The following LIPA variants were observed in gnomAD, a reference collection of about 807,000 sequenced individuals.
LIPA encodes lysosomal acid lipase/cholesteryl ester hydrolase.
Under a neutral mutation model 40.6 loss-of-function variants are expected in LIPA, and 26 were observed. The observed-to-expected ratio is 0.64, with a 90% CI of 0.47 to 0.89. The LOEUF is 0.89. Ranked by LOEUF, LIPA falls within the 40% of genes least tolerant of loss-of-function variation. The pLI is 0.00. For synonymous variants in LIPA, 188 were observed against 168.4 expected (o/e 1.12, Z -0.90); for missense variants, 455 against 479.6 (o/e 0.95, Z 0.48).
At chr10:89,247,718 T>C in intron 1 of LIPA, 69 bp from the exon 2 acceptor site, 2 of 1,102,124 alleles carry the variant, frequency 1.8e-6, no homozygotes, top group Non-Finnish European at 2.7e-6. Context: ...GGTAACTTAA[T>C]GCTCCCACAA....
chr10:89,269,377 C>G (rs756878085), intron 1 of LIPA, among the ~76,000 whole-genome samples: 1 of 152,012 alleles, frequency 6.6e-6, no homozygotes, highest in Non-Finnish European at 1.5e-5. Flanking sequence ...AGCCAGGATA[C>G]GCTCTATATC....
intron 2 of LIPA, among the ~76,000 whole-genome samples, chr10:89,373,656 C>T (rs1844105460): frequency 6.6e-6 from 1 of 152,206 alleles, no homozygotes; most frequent in Admixed American, 6.5e-5. Context: ...AAGTTCTAGA[C>T]TCAGAGCCTC....
intron 2 of LIPA, chr10:89,393,225 C>T (rs1844283741): frequency 1.6e-6 from 2 of 1,289,662 alleles, no homozygotes; most frequent in Admixed American, 2.3e-5. Context: ...TCACAGCCTT[C>T]CTCCATAGGC....
intron 2 of LIPA, chr10:89,362,544 T>C (rs1844029511): frequency 3.4e-6 from 1 of 291,946 alleles, no homozygotes; most frequent in Non-Finnish European, 6.6e-6. Flanking sequence ...CAAGCAGACA[T>C]GAGTGACCAG....
rs1589604739 is a variant in LIPA at position 89,332,344 on chromosome 10, C to T, written c.-2+10267G>A. 12 of 603,700 alleles carry T rather than the reference C, an allele frequency of 2.0e-5. No homozygotes were observed. The East Asian group carries it at 3.8e-4, about 19-fold the overall frequency. 37.4% of individuals were successfully genotyped at this position (603,700 alleles called of 1,614,324 possible). On this transcript the variant is annotated intron_variant, in intron 1 of 5. Coordinates refer to the LIPA transcript ENST00000282673. ...CTTCTAAAATTTTATTTTCTTTTTA[C>T]AGTGCCTTTTTACAACTTTCAAACC...
At chr10:89,309,496 A>T (rs1173964808) in intron 1 of LIPA, among the ~76,000 whole-genome samples, 4 of 152,316 alleles carry the variant, frequency 2.6e-5, no homozygotes, top group South Asian at 4.1e-4. Flanking sequence ...ATCTGAGTAA[A>T]TTAGGACTAC....
chr10:89,240,325 A>AT (rs1466574009), intron 3 of LIPA, among the ~76,000 whole-genome samples: 1 of 152,216 alleles, frequency 6.6e-6, no homozygotes, highest in Non-Finnish European at 1.5e-5. Flanking sequence ...GCTGGGCACC[A>AT]TGGTTCATGC....
chr10:89,308,914 TAA>T lies in LIPA; in HGVS notation c.-2+33695_-2+33696del, dbSNP rs199533046. 1.1e-4 allele frequency: 16 copies of T among 152,330 alleles called. No individual in the cohort carries two copies. The East Asian group carries it at 1.7e-3, about 17-fold the overall frequency. The allele number at this position is 152,330 out of a possible 1,614,324, so 9.4% of individuals were successfully genotyped here. A position where few individuals can be genotyped will look rare whatever the true frequency, so the allele number is the denominator to read the frequency against. ...TCATTAATAAATAACCTAAATATGA[TAA>T]AACATAAAGCAGTGTTCTGGTTCAT... On this transcript the variant is annotated intron_variant, in intron 1 of 5. Transcript: ENST00000282673.
At chr10:89,291,903 A>G (rs1843377156) in intron 1 of LIPA, 2 of 152,202 alleles carry the variant, frequency 1.3e-5, no homozygotes, top group Non-Finnish European at 2.9e-5. Context: ...GCTTCCTAAT[A>G]GAATGTGAGT....
chr10:89,409,759 C>T (rs1327671587), intron 2 of LIPA, among the ~76,000 whole-genome samples: 1 of 152,212 alleles, frequency 6.6e-6, no homozygotes, highest in African/African-American at 2.4e-5. Flanking sequence ...GGTGTTTCTC[C>T]CACCTCCTCA....
At chr10:89,294,036 T>C (rs969782766) in intron 1 of LIPA, among the ~76,000 whole-genome samples, 9 of 152,228 alleles carry the variant, frequency 5.9e-5, no homozygotes, top group African/African-American at 2.2e-4. Flanking sequence ...ACATAGTAGA[T>C]TCTCAGTAAG....
intron 8 of LIPA, among the ~76,000 whole-genome samples, chr10:89,217,039 T>C (rs1842637148): frequency 6.6e-6 from 1 of 152,214 alleles, no homozygotes; most frequent in Non-Finnish European, 1.5e-5. Flanking sequence ...AAATGTCACT[T>C]ATTTTTAAAA....
intron 1 of LIPA, among the ~76,000 whole-genome samples, chr10:89,298,910 G>A (rs867796954): frequency 1.1e-4 from 17 of 152,082 alleles, no homozygotes; most frequent in Middle Eastern, 6.8e-3. Context: ...TTGAACCAGG[G>A]AGGCAGAGGT....
chr10:89,385,661 G>C (rs1018407162), intron 2 of LIPA, among the ~76,000 whole-genome samples: 1 of 152,194 alleles, frequency 6.6e-6, no homozygotes, highest in Admixed American at 6.5e-5. Flanking sequence ...ATTCTAGCTG[G>C]AGTTCTATTT....
chr10:89,371,908 A>G (rs1844093349), intron 2 of LIPA, among the ~76,000 whole-genome samples: 1 of 152,214 alleles, frequency 6.6e-6, no homozygotes, highest in Non-Finnish European at 1.5e-5. Flanking sequence ...TTGCAGCAAC[A>G]TGGATGGAGC....
At chr10:89,264,877 T>C (rs949796790) in intron 1 of LIPA, among the ~76,000 whole-genome samples, 5 of 152,210 alleles carry the variant, frequency 3.3e-5, no homozygotes, top group African/African-American at 1.2e-4. Context: ...CCCAGGGGCC[T>C]ATCTGCTTCC....
intron 1 of LIPA, among the ~76,000 whole-genome samples, chr10:89,317,654 T>C (rs901849554): frequency 3.3e-5 from 5 of 152,212 alleles, no homozygotes; most frequent in African/African-American, 7.2e-5. Flanking sequence ...CAGGATATTA[T>C]GCAGGAGAAC....
Position 89,225,144 on chromosome 10 carries a change from A to T in LIPA, c.623T>A (p.Phe208Tyr). 6.2e-7 allele frequency: 1 copy of T among 1,614,208 alleles called. No homozygotes were observed. The highest frequency in any genetic ancestry group is 8.5e-7 in the Non-Finnish European group (1 of 1,180,026). ...TAATTTGGCCATAGGGCTAGTACAGAAGGCGACGGAAGCCACAGGACCCAG... is the reference window on the plus strand; with the variant it reads ...TAATTTGGCCATAGGGCTAGTACAGTAGGCGACGGAAGCCACAGGACCCAG... The part of the protein sequence containing the change: ...FALGPVASVA[F>Y]CTSPMAKLGR... Residue 208 changes from phenylalanine to tyrosine, a missense_variant, in exon 6 of 10, where the codon TTC (phenylalanine) becomes TAC (tyrosine). By Grantham distance (22) the Phe-to-Tyr change is conservative (BLOSUM62 3). Coordinates refer to ENST00000336233, the MANE Select transcript of LIPA (RefSeq NM_000235.4).
chr10:89,371,351 C>A (rs1589624521), intron 2 of LIPA, among the ~76,000 whole-genome samples: 1 of 152,214 alleles, frequency 6.6e-6, no homozygotes. Flanking sequence ...CCATGACTCT[C>A]CATTTTAGTT....
Sources: allele counts gnomAD v4.1 joint callset (sites outside exome capture counted in the v4.1 genomes callset), GRCh38; gene constraint gnomAD v4.1.1; transcripts MANE v1.5; gene names NCBI Gene and HGNC (gene_info 2026-07-23, HGNC 2026-07-21).